Variants in SERINC3 observed in about 807,000 individuals in gnomAD.
SERINC3 encodes serine incorporator 3.
In SERINC3, 22 loss-of-function variants were observed where a neutral mutation model predicts 52.1. The ratio of observed to expected loss-of-function variants is 0.42; its 90% confidence interval spans 0.30 to 0.60. The LOEUF is 0.60. SERINC3 is among the 20% of genes least tolerant of loss of function. The pLI is 0.16. For missense variants in SERINC3, 564 were observed against 584.6 expected (o/e 0.96, Z 0.36); for synonymous variants, 226 against 212.7 (o/e 1.06, Z -0.54).
intron 2 of SERINC3, 81 bp from the exon 3 acceptor site, chr20:44,513,075 T>A: frequency 1.0e-6 from 1 of 957,096 alleles, no homozygotes; most frequent in Non-Finnish European, 1.5e-6. Context: ...AGCCTGGATT[T>A]AGAAAATTAA....
rs747504500 is a variant in SERINC3 at position 44,504,873 on chromosome 20, C to T, written c.802G>A (p.Gly268Ser). ...PKIQEHQPRS[G>S]LLQSSLITLY... Reference sequence around the variant, plus strand: ...GTGATGAGGGAGGACTGCAAGAGGCCGGAGCGAGGCTGGTGTTCCTATGGA... The same window carrying T: ...GTGATGAGGGAGGACTGCAAGAGGCTGGAGCGAGGCTGGTGTTCCTATGGA... The change falls in exon 7 of 10, where the codon GGC (glycine) becomes AGC (serine). Residue 268 changes from glycine to serine, a missense_variant. Coordinates refer to ENST00000342374, the MANE Select transcript of SERINC3 (RefSeq NM_006811.4). 7 of 1,612,644 alleles carry T rather than the reference C, an allele frequency of 4.3e-6. No individual in the cohort carries two copies. Among genetic ancestry groups the T allele is most frequent in the African/African-American group, 1.3e-5 (1 of 74,850 alleles).
At chr20:44,515,656 T>C (rs1043388995) in intron 1 of SERINC3, among the ~76,000 whole-genome samples, 4 of 151,596 alleles carry the variant, frequency 2.6e-5, no homozygotes, top group African/African-American at 7.3e-5. Flanking sequence ...TACGCTTTTT[T>C]ATTTTTTTTT....
chr20:44,505,355 C>T (rs1334290898), intron 6 of SERINC3, among the ~76,000 whole-genome samples: 2 of 151,908 alleles, frequency 1.3e-5, no homozygotes, highest in Non-Finnish European at 2.9e-5. Flanking sequence ...GACGGAGTCT[C>T]GCTTTTGTCA....
chr20:44,496,680 G>C (rs1028943418), downstream of SERINC3, among the ~76,000 whole-genome samples: 12 of 152,124 alleles, frequency 7.9e-5, no homozygotes, highest in African/African-American at 2.7e-4. Flanking sequence ...TATAGTCCCA[G>C]CTACTCAGGA....
chr20:44,503,030 A>G (rs1294220945), intron 8 of SERINC3, among the ~76,000 whole-genome samples: 6 of 152,252 alleles, frequency 3.9e-5, no homozygotes, highest in Non-Finnish European at 8.8e-5. Flanking sequence ...TAAAAACAAA[A>G]TAAGTTTAAG....
chr20:44,520,656 G>A (rs1357889392), intron 1 of SERINC3, among the ~76,000 whole-genome samples: 1 of 152,148 alleles, frequency 6.6e-6, no homozygotes, highest in Admixed American at 6.5e-5. Context: ...GTTGGATACT[G>A]TGTTCACTGT....
At position 44,499,146 on chromosome 20, in the gene SERINC3, T is replaced by C. The variant is rs925013050; in HGVS notation, c.*1150A>G. 3 of 152,366 alleles carry C rather than the reference T, an allele frequency of 2.0e-5. No individual in the cohort carries two copies. Among genetic ancestry groups the C allele is most frequent in the Non-Finnish European group, 4.4e-5 (3 of 68,054 alleles). The allele number at this position is 152,366 out of a possible 1,614,324, so 9.4% of individuals were successfully genotyped here. The stretch of plus-strand genomic sequence containing the variant: ...AAAGTCCAAGACGGCAGAGCCTCTA[T>C]CATGTTTAACACTGTACCCCAAAAC... On this transcript the variant is annotated 3_prime_UTR_variant, in exon 10 of 10. Coordinates refer to ENST00000342374, the MANE Select transcript of SERINC3 (RefSeq NM_006811.4).
At chr20:44,508,185 G>A (rs902623725) in intron 5 of SERINC3, among the ~76,000 whole-genome samples, 1 of 152,112 alleles carries the variant, frequency 6.6e-6, no homozygotes, top group African/African-American at 2.4e-5. Context: ...GATCCAAAAT[G>A]AATTAAAGAA....
chr20:44,503,803 C>A lies in SERINC3; in HGVS notation c.1055+12G>T, dbSNP rs778512811. ...TCCATGAAAATCTTGTTCTAAGTAC[C>A]TTTTAACTTACCTAGAATACAAGAG... On this transcript the variant is annotated intron_variant, in intron 8 of 9. Coordinates refer to ENST00000342374, the MANE Select transcript of SERINC3 (RefSeq NM_006811.4). 2.0e-6 allele frequency: 3 copies of A among 1,518,232 alleles called. No individual in the cohort carries two copies. In the Admixed American group the frequency reaches 7.4e-5, roughly 38 times the overall value. The allele number at this position is 1,518,232 out of a possible 1,614,324, so 94.0% of individuals were successfully genotyped here. A position where few individuals can be genotyped will look rare whatever the true frequency, so the allele number is the denominator to read the frequency against.
At chr20:44,515,720 G>A (rs913354880) in intron 1 of SERINC3, among the ~76,000 whole-genome samples, 2 of 151,002 alleles carry the variant, frequency 1.3e-5, no homozygotes, top group African/African-American at 4.9e-5. Context: ...GCACAATCTC[G>A]GCTCACGGCA....
chr20:44,500,166 T>C lies in SERINC3; in HGVS notation c.*130A>G, dbSNP rs2064270211. On this transcript the variant is annotated 3_prime_UTR_variant, in exon 10 of 10. Transcript: ENST00000342374. ...CATTATTCAATCTCACCTTCTGATA[T>C]AAACCTGCATACAGTCAAACTTGCA... 2 of 952,914 alleles carry C rather than the reference T, an allele frequency of 2.1e-6. No homozygotes were observed. The highest frequency in any genetic ancestry group is 3.0e-5 in the Admixed American group (1 of 33,220). 59.0% of individuals were successfully genotyped at this position (952,914 alleles called of 1,614,324 possible).
At chr20:44,497,294 A>G (rs1177625843), downstream of SERINC3, 1 of 152,238 alleles carries the variant, frequency 6.6e-6, no homozygotes, top group African/African-American at 2.4e-5. Context: ...ATTCACATGT[A>G]TAATTCACTT....
chr20:44,509,436 G>T (rs1042816411), intron 5 of SERINC3, among the ~76,000 whole-genome samples: 1 of 152,076 alleles, frequency 6.6e-6, no homozygotes, highest in Admixed American at 6.5e-5. Context: ...TGGGAAAATC[G>T]AACAATTTAT....
intron 1 of SERINC3, among the ~76,000 whole-genome samples, chr20:44,521,363 T>C (rs1315640736): frequency 1.3e-5 from 2 of 152,230 alleles, no homozygotes; most frequent in Non-Finnish European, 2.9e-5. Context: ...CTCGGATAAA[T>C]GACTTACAGC....
downstream of SERINC3, among the ~76,000 whole-genome samples, chr20:44,497,101 C>T (rs2064253016): frequency 6.6e-6 from 1 of 152,168 alleles, no homozygotes; most frequent in African/African-American, 2.4e-5. Context: ...ATCTGAAAGC[C>T]AGGGCCCCAA....
Position 44,513,878 on chromosome 20 carries a change from C to A in SERINC3, c.201+1G>T. 3 of 1,595,878 alleles carry A rather than the reference C, an allele frequency of 1.9e-6. No individual in the cohort carries two copies. Among genetic ancestry groups the A allele is most frequent in the Non-Finnish European group, 2.6e-6 (3 of 1,170,760 alleles). Reference sequence around the variant, plus strand: ...ACCTTAAGGGCACTGTTACTTCTTACCTTCTTCAAGTAAGTTTCCATCTCT... The same window carrying A: ...ACCTTAAGGGCACTGTTACTTCTTAACTTCTTCAAGTAAGTTTCCATCTCT... On this transcript the variant is annotated splice_donor_variant, in intron 2 of 9. Transcript: ENST00000342374. LOFTEE classifies it high-confidence loss of function.
chr20:44,503,880 C>G lies in SERINC3; in HGVS notation c.990G>C (p.Gly330=). The part of the protein sequence containing the change: ...VPTPTPPSKS[G]SLLDSDNFIG... ...TAAAATTATCTGAATCCAGTAAAGA[C>G]CCACTCTTTGATGGTGGAGTAGGGG... Residue 330 remains glycine (G), a synonymous_variant, in exon 8 of 10, where the codon GGG becomes GGC. Transcript: ENST00000342374. 1 of 1,599,902 alleles carries G rather than the reference C, an allele frequency of 6.3e-7. No individual in the cohort carries two copies. Among genetic ancestry groups the G allele is most frequent in the East Asian group, 2.3e-5 (1 of 43,728 alleles).
At chr20:44,509,849 A>T (rs1225249483) in intron 5 of SERINC3, 42 bp downstream of exon 5, 7 of 1,601,578 alleles carry the variant, frequency 4.4e-6, no homozygotes, top group Non-Finnish European at 6.0e-6. Context: ...CACCGTGCTT[A>T]ATGTAGCAGT....
At chr20:44,513,082 TTAAC>T in intron 2 of SERINC3, 88 bp from the exon 3 acceptor site, 1 of 840,598 alleles carries the variant, frequency 1.2e-6, no homozygotes, top group Non-Finnish European at 1.8e-6. Flanking sequence ...ATTTAGAAAA[TTAAC>T]TACTTCAACA....
Sources: gnomAD v4.1 joint callset for allele counts (sites outside exome capture counted in the v4.1 genomes callset) on GRCh38, gnomAD v4.1.1 for gene constraint, MANE v1.5 for transcripts, NCBI Gene and HGNC (gene_info 2026-07-23, HGNC 2026-07-21) for gene names.